Variants in TDRD9 observed in about 807,000 individuals in gnomAD.
TDRD9 encodes the protein tudor domain containing 9.
TDRD9 carries 124 observed loss-of-function variants against 172.6 expected under a neutral mutation model. The observed-to-expected ratio is 0.72, with a 90% CI of 0.62 to 0.83. The LOEUF (loss-of-function observed/expected upper bound fraction) is 0.83. Ranked by LOEUF, TDRD9 falls within the 40% of genes least tolerant of loss-of-function variation. The pLI is 0.00. For synonymous variants in TDRD9, 619 were observed against 617.1 expected (o/e 1.00, Z -0.05); for missense variants, 1,479 against 1,714.1 (o/e 0.86, Z 2.42).
chr14:103,959,646 T>C (rs543076298), intron 2 of TDRD9, among the ~76,000 whole-genome samples: 5 of 152,204 alleles, frequency 3.3e-5, no homozygotes, highest in Non-Finnish European at 7.3e-5. Flanking sequence ...TTCAAAACAC[T>C]TTTGATTTTG....
intron 28 of TDRD9, among the ~76,000 whole-genome samples, chr14:104,029,013 T>G (rs536277674): frequency 6.6e-6 from 1 of 152,276 alleles, no homozygotes; most frequent in South Asian, 2.1e-4. Context: ...TATTTCTGGG[T>G]TCTCTATTCT....
At chr14:104,047,583 G>A (rs760625364) in intron 34 of TDRD9, among the ~76,000 whole-genome samples, 4 of 151,962 alleles carry the variant, frequency 2.6e-5, no homozygotes, top group African/African-American at 4.8e-5. Context: ...CCTCGTGCCC[G>A]CTCTCTTCTC....
intron 3 of TDRD9, among the ~76,000 whole-genome samples, chr14:103,964,805 G>A (rs2152143358): frequency 6.6e-6 from 1 of 152,298 alleles, no homozygotes; most frequent in Middle Eastern, 3.4e-3. Flanking sequence ...TTGCAGATGT[G>A]AGCCACCTGT....
chr14:103,978,357 G>A (rs1254744493), intron 7 of TDRD9, among the ~76,000 whole-genome samples: 2 of 152,092 alleles, frequency 1.3e-5, no homozygotes, highest in Admixed American at 6.6e-5. Flanking sequence ...AAGGTGGGCC[G>A]ATCACTTGAG....
chr14:104,042,738 C>T (rs920474198), intron 34 of TDRD9, among the ~76,000 whole-genome samples: 4 of 152,112 alleles, frequency 2.6e-5, no homozygotes, highest in Non-Finnish European at 5.9e-5. Context: ...AACCAGCATT[C>T]CACCTACCCA....
At chr14:104,014,001 AG>A (rs201834159) in intron 20 of TDRD9, 11,518 of 152,230 alleles carry the variant, frequency 0.076, 628 homozygotes, top group Non-Finnish European at 0.11. Flanking sequence ...GGGCCGAGGC[AG>A]GCGGATCATG....
intron 5 of TDRD9, among the ~76,000 whole-genome samples, chr14:103,967,407 C>T (rs570471231): frequency 4.1e-5 from 6 of 146,872 alleles, no homozygotes; most frequent in African/African-American, 1.5e-4. Flanking sequence ...CACCTATAGT[C>T]CCAGCTACTT....
At chr14:103,973,350 G>T (rs948980490) in intron 6 of TDRD9, among the ~76,000 whole-genome samples, 1 of 152,124 alleles carries the variant, frequency 6.6e-6, no homozygotes, top group Non-Finnish European at 1.5e-5. Context: ...GGGCACATGG[G>T]CTTTAAGGCC....
rs749754034 is a variant in TDRD9, at chr14:104,022,339, G to A, written c.2606+9G>A. ...AAGCTCAGGAACACAAGGTATTTTCGGGAGGGAGGTGGCAGACAGGCCGTG... is the reference window on the plus strand; with the variant it reads ...AAGCTCAGGAACACAAGGTATTTTCAGGAGGGAGGTGGCAGACAGGCCGTG... On this transcript the variant is annotated intron_variant, in intron 24 of 35. Transcript: ENST00000409874. 23 of 1,607,592 alleles carry A rather than the reference G, an allele frequency of 1.4e-5. No individual in the cohort carries two copies. In the Admixed American group the frequency reaches 2.0e-4, roughly 14 times the overall value.
chr14:103,991,258 T>C (rs1199447428), intron 9 of TDRD9, 34 bp downstream of exon 9: 14 of 1,610,168 alleles, frequency 8.7e-6, no homozygotes, highest in African/African-American at 1.3e-5. Context: ...CTTGGAATCA[T>C]AATACTCTGG....
chr14:103,928,928 T>G lies in TDRD9; in HGVS notation c.215+204T>G, dbSNP rs1272806439. ...TGTAAGGAAGCTGAGCTAGAGGTTT[T>G]TTTTTTTTTTTTTTTTTCAGTTCTT... On this transcript the variant is annotated intron_variant, in intron 1 of 35. Transcript: ENST00000409874. 8 of 234,494 alleles carry G rather than the reference T, an allele frequency of 3.4e-5. No homozygotes were observed. The East Asian group carries it at 4.9e-4, about 14-fold the overall frequency. 14.5% of individuals were successfully genotyped at this position (234,494 alleles called of 1,614,324 possible).
chr14:103,971,565 A>T, intron 6 of TDRD9, among the ~76,000 whole-genome samples: 1 of 152,132 alleles, frequency 6.6e-6, no homozygotes, highest in Middle Eastern at 3.4e-3. Context: ...TGGTCTTCCA[A>T]AGGGCTGTGA....
intron 32 of TDRD9, among the ~76,000 whole-genome samples, chr14:104,039,285 T>C (rs1389116248): frequency 6.6e-6 from 1 of 151,996 alleles, no homozygotes; most frequent in Non-Finnish European, 1.5e-5. Flanking sequence ...CCATGACACG[T>C]GGGGATTATT....
intron 13 of TDRD9, 99 bp downstream of exon 13, chr14:103,998,827 C>T: frequency 1.5e-6 from 1 of 653,392 alleles, no homozygotes; most frequent in Non-Finnish European, 2.7e-6. Context: ...GAGTCTTGCT[C>T]TGTCGCCCAG....
chr14:103,960,837 T>C (rs988243432), intron 2 of TDRD9, among the ~76,000 whole-genome samples: 22 of 152,372 alleles, frequency 1.4e-4, no homozygotes, highest in Admixed American at 1.0e-3. Flanking sequence ...AATCAAGTAA[T>C]GTAAGCCAAT....
intron 9 of TDRD9, among the ~76,000 whole-genome samples, chr14:103,991,798 C>T (rs1449202893): frequency 6.7e-6 from 1 of 149,906 alleles, no homozygotes; most frequent in Non-Finnish European, 1.5e-5. Context: ...CACTCTGTTG[C>T]CCAGGCAGGG....
At chr14:103,988,513 G>A (rs920767871) in intron 8 of TDRD9, among the ~76,000 whole-genome samples, 7 of 151,952 alleles carry the variant, frequency 4.6e-5, no homozygotes, top group African/African-American at 1.5e-4. Flanking sequence ...TTTTGATTGG[G>A]CTGTTTAATC....
intron 1 of TDRD9, among the ~76,000 whole-genome samples, chr14:103,936,893 A>C (rs138630118): frequency 2.0e-5 from 3 of 152,260 alleles, no homozygotes; most frequent in African/African-American, 7.2e-5. Flanking sequence ...GGAATTCGAG[A>C]CTAGCCTGGG....
intron 25 of TDRD9, among the ~76,000 whole-genome samples, chr14:104,025,044 C>T (rs182611608): frequency 1.7e-3 from 263 of 152,312 alleles, no homozygotes; most frequent in Middle Eastern, 6.8e-3. Context: ...TGCAGTGGCA[C>T]GATCTCTGTT....
Sources: allele counts gnomAD v4.1 joint callset (sites outside exome capture counted in the v4.1 genomes callset), GRCh38; gene constraint gnomAD v4.1.1; transcripts MANE v1.5; gene names NCBI Gene and HGNC (gene_info 2026-07-23, HGNC 2026-07-21).